Variants in HSH2D observed in about 807,000 individuals in gnomAD.
HSH2D encodes hematopoietic SH2 domain containing, also known as hematopoietic SH2 domain-containing protein.
HSH2D carries 16 observed loss-of-function variants against 21.5 expected under a neutral mutation model. The observed-to-expected ratio is 0.74, with a 90% confidence interval of 0.50 to 1.13. The LOEUF (loss-of-function observed/expected upper bound fraction) is 1.13, where lower values mean the gene tolerates loss of function less well. HSH2D is among the 50% of genes most tolerant of loss of function. The pLI is 0.00. For synonymous variants in HSH2D, 172 were observed against 184.7 expected, an observed-to-expected ratio of 0.93 and a Z score of 0.56; for missense variants, 418 against 441.4, an observed-to-expected ratio of 0.95 and a Z score of 0.47.
upstream of HSH2D, chr19:16,142,093 GGTTA>G (rs2096670369): frequency 6.6e-6 from 1 of 151,946 alleles, no homozygotes; most frequent in Non-Finnish European, 1.5e-5. Flanking sequence ...CTCTAAAATA[GGTTA>G]GTCAATTAAT....
intron 2 of HSH2D, among the ~76,000 whole-genome samples, chr19:16,150,990 C>T (rs764968074): frequency 1.3e-5 from 2 of 152,094 alleles, no homozygotes; most frequent in South Asian, 2.1e-4. Context: ...CCACAGAAGG[C>T]GGCCTTCCTC....
chr19:16,136,330 A>G (rs1041047637), intron 1 of HSH2D, among the ~76,000 whole-genome samples: 1 of 152,162 alleles, frequency 6.6e-6, no homozygotes, highest in African/African-American at 2.4e-5. Context: ...TGAATAGCAG[A>G]TCCTGACTGG....
chr19:16,148,012 G>T (rs1381842113), intron 1 of HSH2D, among the ~76,000 whole-genome samples: 1 of 152,044 alleles, frequency 6.6e-6, no homozygotes, highest in Non-Finnish European at 1.5e-5. Flanking sequence ...AGGCTGGAGT[G>T]CAGTGGCACA....
chr19:16,141,270 T>A (rs1486865412), upstream of HSH2D, among the ~76,000 whole-genome samples: 2 of 152,200 alleles, frequency 1.3e-5, no homozygotes. Context: ...GGTGCTGCTG[T>A]TGCCGAGGAG....
intron 2 of HSH2D, among the ~76,000 whole-genome samples, chr19:16,150,116 A>G (rs2091128813): frequency 6.6e-6 from 1 of 152,218 alleles, no homozygotes; most frequent in Non-Finnish European, 1.5e-5. Flanking sequence ...TAGTAGTTAT[A>G]TTAAAAGAAG....
upstream of HSH2D, among the ~76,000 whole-genome samples, chr19:16,141,573 A>G (rs1180767244): frequency 6.6e-6 from 1 of 152,184 alleles, no homozygotes; most frequent in African/African-American, 2.4e-5. Flanking sequence ...CTAATAATAA[A>G]TATACAATAA....
At chr19:16,134,659 T>G (rs866739337) in intron 1 of HSH2D, among the ~76,000 whole-genome samples, 10 of 152,136 alleles carry the variant, frequency 6.6e-5, no homozygotes, top group African/African-American at 2.4e-4. Context: ...CTGGACTCCA[T>G]CCCTGCCTTC....
In HSH2D at chr19:16,157,665, C is replaced by A. The variant is rs770881480; in HGVS notation, c.930C>A (p.His310Gln). The A allele has an allele frequency of 3.7e-6, 6 of 1,613,410 alleles. No homozygotes were observed. The South Asian group carries it at 5.5e-5, about 15-fold the overall frequency. ...TGACCCCAGGGGACAGGAGTTGGCA[C>A]CAAATGGTAGTGAGAGCCCTATCCT... ...IEVTPGDRSW[H>Q]QMVVRALSSQ... Residue 310 changes from histidine to glutamine, a missense_variant, in exon 6 of 6, where the codon CAC (histidine) becomes CAA (glutamine). Physicochemically the swap from His to Gln is conservative, Grantham distance 24. Transcript: ENST00000613986. The surrounding 1 kb of genome is among the most constrained non-coding windows in gnomAD (Gnocchi z 4.4).
intron 3 of HSH2D, 39 bp from the exon 4 acceptor site, chr19:16,153,004 G>T: frequency 6.3e-7 from 1 of 1,592,330 alleles, no homozygotes; most frequent in South Asian, 1.1e-5. Context: ...CAGGGATGAG[G>T]GGGAGTAGGA....
chr19:16,154,097 C>T (rs2091204617), intron 4 of HSH2D, among the ~76,000 whole-genome samples: 1 of 146,362 alleles, frequency 6.8e-6, no homozygotes, highest in African/African-American at 2.5e-5. Flanking sequence ...GTGGGCCTGA[C>T]CTAGCGCCCA....
In HSH2D at chr19:16,136,702, G is replaced by A. The variant is rs536959188; in HGVS notation, c.-324+2467G>A. Among the ~76,000 whole-genome samples the A allele has an allele frequency of 2.0e-5, 3 of 152,146 alleles. No individual in the cohort carries two copies. The South Asian group carries it at 6.2e-4, about 32-fold the overall frequency. On this transcript the variant is annotated intron_variant, in intron 1 of 7. Transcript: ENST00000616645. ...CCATCTTCCCTGTTTTTATTACCAC[G>A]TGTACAGTAAAGGGATGGGCAACAT...
At chr19:16,142,293 A>C (rs1291411485), upstream of HSH2D, among the ~76,000 whole-genome samples, 1 of 151,660 alleles carries the variant, frequency 6.6e-6, no homozygotes. Context: ...TGCACTACGC[A>C]CTCCCCAAAT....
upstream of HSH2D, among the ~76,000 whole-genome samples, chr19:16,141,790 G>T (rs1242045491): frequency 6.6e-6 from 1 of 152,078 alleles, no homozygotes; most frequent in African/African-American, 2.4e-5. Flanking sequence ...CAGGCGTGTT[G>T]GTGGGCACCT....
intron 1 of HSH2D, among the ~76,000 whole-genome samples, chr19:16,144,194 A>T (rs1012634939): frequency 6.6e-6 from 1 of 151,978 alleles, no homozygotes; most frequent in Non-Finnish European, 1.5e-5. Flanking sequence ...CACAGAAAAA[A>T]ACAACAACAC....
chr19:16,142,426 G>A (rs2091008699), upstream of HSH2D, among the ~76,000 whole-genome samples: 1 of 151,930 alleles, frequency 6.6e-6, no homozygotes, highest in South Asian at 2.1e-4. Context: ...GTTTGTTTGG[G>A]GTTTTTTGTT....
At chr19:16,155,619 C>CTTTTTTTTTTTTTTT (rs35262744) in intron 5 of HSH2D, 18 of 114,158 alleles carry the variant, frequency 1.6e-4, no homozygotes, top group African/African-American at 5.8e-4. Context: ...CATGGGAGGA[C>CTTTTTTTTTTTTTTT]TTTTTTTTTT....
At chr19:16,149,519 C>T (rs1277509750) in intron 2 of HSH2D, among the ~76,000 whole-genome samples, 1 of 149,290 alleles carries the variant, frequency 6.7e-6, no homozygotes, top group Non-Finnish European at 1.5e-5. Context: ...TTTCTGAACA[C>T]AGTACTCCAA....
upstream of HSH2D, among the ~76,000 whole-genome samples, chr19:16,139,142 G>A (rs1039316806): frequency 6.6e-6 from 1 of 152,230 alleles, no homozygotes; most frequent in African/African-American, 2.4e-5. Context: ...ACAGGCATAA[G>A]CCACAGCACC....
upstream of HSH2D, among the ~76,000 whole-genome samples, chr19:16,139,210 C>T (rs968208473): frequency 6.6e-6 from 1 of 152,200 alleles, no homozygotes; most frequent in Non-Finnish European, 1.5e-5. Context: ...CCATCCAGAG[C>T]TGGGGCTCAG....
Sources: gnomAD v4.1 joint callset for allele counts (sites outside exome capture counted in the v4.1 genomes callset) on GRCh38, gnomAD v4.1.1 for gene constraint, Gnocchi (gnomAD v3.1) non-coding constraint, MANE v1.5 for transcripts, NCBI Gene and HGNC (gene_info 2026-07-23, HGNC 2026-07-21) for gene names.